Variants in DOCK3 observed in about 807,000 individuals in gnomAD.
The protein encoded by DOCK3 is dedicator of cytokinesis 3.
In DOCK3, 60 loss-of-function variants were observed where a neutral mutation model predicts 265.6. That is an observed-to-expected ratio of 0.23 (90% CI 0.18 to 0.28). DOCK3 has a LOEUF of 0.28. DOCK3 is among the 10% of genes least tolerant of loss of function. DOCK3 has a pLI of 1.00. For missense variants in DOCK3, 1,981 were observed against 2,594.3 expected, an observed-to-expected ratio of 0.76 and a Z score of 5.14; for synonymous variants, 881 against 938.0, an observed-to-expected ratio of 0.94 and a Z score of 1.11.
Position 51,354,940 on chromosome 3 carries a change from G to A in DOCK3, c.4166G>A (p.Arg1389Lys), listed in dbSNP as rs1423951598. ...DYERLEAFQQ[R>K]MLSEFPQAVA... ...GAGAGGCTGGAGGCCTTCCAGCAGAGGATGCTCAGTGAGTTTCCGCAGGCT... is the reference window on the plus strand; with the variant it reads ...GAGAGGCTGGAGGCCTTCCAGCAGAAGATGCTCAGTGAGTTTCCGCAGGCT... Residue 1389 changes from arginine (R) to lysine (K), a missense_variant, in exon 41 of 53, where the codon AGG (arginine) becomes AAG (lysine). Around this residue, in one of 4 missense-constraint regions of DOCK3, gnomAD observed 1,357 missense variants for 1,866.8 expected, o/e 0.73. Transcript: ENST00000266037. 54 of 1,613,944 alleles carry A rather than the reference G, an allele frequency of 3.3e-5. No homozygotes were observed. The highest frequency in any genetic ancestry group is 4.3e-5 in the Non-Finnish European group (51 of 1,179,852).
chr3:51,143,599 A>G (rs1488805518), intron 9 of DOCK3, among the ~76,000 whole-genome samples: 4 of 152,070 alleles, frequency 2.6e-5, no homozygotes. Flanking sequence ...GCATTTCTCT[A>G]ATGGTTAATG....
chr3:50,961,769 A>G (rs186943877), intron 5 of DOCK3, among the ~76,000 whole-genome samples: 2 of 152,342 alleles, frequency 1.3e-5, no homozygotes, highest in Admixed American at 6.5e-5. Flanking sequence ...CAAGCATTAC[A>G]TGATATAATT....
At chr3:51,075,075 C>G (rs936518547) in intron 6 of DOCK3, among the ~76,000 whole-genome samples, 2 of 152,036 alleles carry the variant, frequency 1.3e-5, no homozygotes, top group Non-Finnish European at 2.9e-5. Flanking sequence ...AAAACCTATC[C>G]TTAATGAACT....
intron 14 of DOCK3, among the ~76,000 whole-genome samples, chr3:51,220,252 C>G (rs1298196287): frequency 1.3e-5 from 2 of 152,108 alleles, no homozygotes; most frequent in African/African-American, 4.8e-5. Flanking sequence ...CCCAATTGTA[C>G]TGAAAGAAAG....
chr3:51,220,279 A>C (rs954094992), intron 14 of DOCK3, among the ~76,000 whole-genome samples: 2 of 152,172 alleles, frequency 1.3e-5, no homozygotes, highest in African/African-American at 4.8e-5. Context: ...CTCATCTTAC[A>C]TGATCTTAAG....
intron 10 of DOCK3, among the ~76,000 whole-genome samples, chr3:51,147,306 A>G (rs2085343526): frequency 6.6e-6 from 1 of 152,084 alleles, no homozygotes; most frequent in Non-Finnish European, 1.5e-5. Flanking sequence ...CCTCTTCCAA[A>G]TACTAATTGG....
chr3:51,224,418 A>G (rs758253808), intron 14 of DOCK3, among the ~76,000 whole-genome samples: 7 of 152,340 alleles, frequency 4.6e-5, no homozygotes, highest in South Asian at 2.1e-4. Context: ...AGATGCTTCC[A>G]TTATTAGAGA....
chr3:50,766,410 T>A (rs2040879159), intron 1 of DOCK3, among the ~76,000 whole-genome samples: 2 of 151,838 alleles, frequency 1.3e-5, no homozygotes, highest in South Asian at 2.1e-4. Flanking sequence ...GCTGAGAATC[T>A]TGGTTTCCAG....
At chr3:50,866,900 A>G (rs1211977256) in intron 3 of DOCK3, among the ~76,000 whole-genome samples, 7 of 152,112 alleles carry the variant, frequency 4.6e-5, no homozygotes, top group Admixed American at 4.6e-4. Context: ...TAGGGTAGCT[A>G]AGAAACAGCT....
At chr3:51,075,289 A>G (rs1299358725) in intron 6 of DOCK3, 67 bp from the exon 7 acceptor site, 2 of 1,373,444 alleles carry the variant, frequency 1.5e-6, no homozygotes, top group African/African-American at 1.4e-5. Context: ...ATGGGTTCCC[A>G]GGCACATAAA....
chr3:51,026,669 T>C (rs2079838170), intron 5 of DOCK3, among the ~76,000 whole-genome samples: 1 of 152,118 alleles, frequency 6.6e-6, no homozygotes, highest in South Asian at 2.1e-4. Flanking sequence ...TAACTTATTA[T>C]TGATTTGTTC....
At chr3:50,982,231 A>G (rs753310348) in intron 5 of DOCK3, among the ~76,000 whole-genome samples, 7 of 152,158 alleles carry the variant, frequency 4.6e-5, no homozygotes, top group Admixed American at 3.3e-4. Flanking sequence ...TTCGGTCTGT[A>G]TATTTTAAGT....
intron 5 of DOCK3, among the ~76,000 whole-genome samples, chr3:51,024,928 G>A (rs1226136997): frequency 6.6e-6 from 1 of 152,170 alleles, no homozygotes; most frequent in Non-Finnish European, 1.5e-5. Flanking sequence ...TGATTGCCGA[G>A]GTCATGCAGC....
intron 5 of DOCK3, among the ~76,000 whole-genome samples, chr3:51,013,623 G>A (rs566391992): frequency 1.1e-4 from 17 of 152,312 alleles, no homozygotes; most frequent in South Asian, 8.3e-4. Context: ...TCTACTTGGC[G>A]GTCAGGGACC....
chr3:51,169,523 G>A (rs2086571605), intron 12 of DOCK3, among the ~76,000 whole-genome samples: 1 of 152,126 alleles, frequency 6.6e-6, no homozygotes, highest in African/African-American at 2.4e-5. Flanking sequence ...ACTTATATGT[G>A]GGAGCTAAGT....
intron 22 of DOCK3, among the ~76,000 whole-genome samples, chr3:51,252,503 G>A (rs1457786817): frequency 2.0e-5 from 3 of 152,334 alleles, no homozygotes; most frequent in Non-Finnish European, 4.4e-5. Context: ...AGCATGGAAT[G>A]TTCTTCCATT....
At position 51,154,983 on chromosome 3, in the gene DOCK3, T is replaced by G. The variant is rs562771632; in HGVS notation, c.829-4261T>G. Reference sequence around the variant, plus strand: ...AGCCCTGAATTTATTTATTTTTTATTTTTTATTTTTGCAGTCAGGGTCTCA... The same window carrying G: ...AGCCCTGAATTTATTTATTTTTTATGTTTTATTTTTGCAGTCAGGGTCTCA... On this transcript the variant is annotated intron_variant, in intron 10 of 52. Coordinates refer to ENST00000266037, the MANE Select transcript of DOCK3 (RefSeq NM_004947.5). Among the ~76,000 whole-genome samples the G allele has an allele frequency of 3.2e-4, 48 of 152,246 alleles. 1 individual carries two copies. The highest frequency in any genetic ancestry group is 1.0e-3 in the African/African-American group (43 of 41,550).
intron 5 of DOCK3, among the ~76,000 whole-genome samples, chr3:50,987,575 A>C (rs989005909): frequency 6.6e-6 from 1 of 152,234 alleles, no homozygotes; most frequent in Non-Finnish European, 1.5e-5. Flanking sequence ...ACCGGAAGCA[A>C]CTAGTGTACG....
chr3:51,105,220 A>T (rs1249946560), intron 9 of DOCK3, among the ~76,000 whole-genome samples: 1 of 152,222 alleles, frequency 6.6e-6, no homozygotes, highest in Non-Finnish European at 1.5e-5. Flanking sequence ...TGTATAAAGA[A>T]GATGATAAAG....
Sources: gnomAD v4.1 joint callset for allele counts (sites outside exome capture counted in the v4.1 genomes callset) on GRCh38, gnomAD v4.1.1 for gene constraint, gnomAD v4.1.1 regional missense constraint, MANE v1.5 for transcripts, NCBI Gene and HGNC (gene_info 2026-07-23, HGNC 2026-07-21) for gene names.